ARB2A: variants seen among roughly 807,000 people sequenced by gnomAD.
ARB2A encodes cotranscriptional regulator ARB2A.
At chr5:93,881,403 A>C in the ARB2A span, 1 of 1,173,284 alleles carries the variant, frequency 8.5e-7, no homozygotes, top group Admixed American at 2.2e-5. Flanking sequence ...AAAACAAAAC[A>C]ATCTACATAT....
chr5:93,805,063 A>T, the ARB2A span: 14 of 959,796 alleles, frequency 1.5e-5, no homozygotes, highest in Middle Eastern at 1.1e-3. Flanking sequence ...ATATATAATT[A>T]ATGATTAATG....
At chr5:93,665,833 C>T in the ARB2A span, among the ~76,000 whole-genome samples, 392 of 152,294 alleles carry the variant, frequency 2.6e-3, 4 homozygotes, top group African/African-American at 9.0e-3. Flanking sequence ...GTGTACTCTC[C>T]ACAGGCCAAG....
the ARB2A span, among the ~76,000 whole-genome samples, chr5:93,789,721 G>A: frequency 1.3e-5 from 2 of 152,194 alleles, no homozygotes; most frequent in African/African-American, 2.4e-5. Context: ...GGGTTTGGCA[G>A]TCTTTTCTGT....
At chr5:93,734,357 T>C in the ARB2A span, 2 of 152,178 alleles carry the variant, frequency 1.3e-5, no homozygotes, top group African/African-American at 4.8e-5. Flanking sequence ...ATATAGGTAC[T>C]GTCAAAAGAA....
the ARB2A span, among the ~76,000 whole-genome samples, chr5:93,954,735 T>C: frequency 3.3e-5 from 5 of 152,094 alleles, no homozygotes; most frequent in African/African-American, 1.2e-4. Flanking sequence ...TGCCCAAGAA[T>C]TGCAGTCCTT....
the ARB2A span, among the ~76,000 whole-genome samples, chr5:94,106,771 A>C: frequency 1.1e-4 from 17 of 151,650 alleles, no homozygotes; most frequent in African/African-American, 4.1e-4. Context: ...TGTGGCACAT[A>C]TACACCACGG....
At chr5:93,625,108 A>G in the ARB2A span, among the ~76,000 whole-genome samples, 1 of 152,204 alleles carries the variant, frequency 6.6e-6, no homozygotes, top group East Asian at 1.9e-4. Context: ...CAAATTCATG[A>G]TGATTCCATG....
At chr5:93,803,514 G>T in the ARB2A span, among the ~76,000 whole-genome samples, 1 of 143,270 alleles carries the variant, frequency 7.0e-6, no homozygotes, top group Admixed American at 6.9e-5. Flanking sequence ...GAGAACACAT[G>T]AACACATAGA....
chr5:93,651,676 C>A, the ARB2A span, among the ~76,000 whole-genome samples: 1 of 152,026 alleles, frequency 6.6e-6, no homozygotes. Context: ...GTATGTTTTT[C>A]TCCTGTTATT....
At chr5:93,696,820 G>A in the ARB2A span, among the ~76,000 whole-genome samples, 8 of 152,046 alleles carry the variant, frequency 5.3e-5, no homozygotes, top group African/African-American at 1.7e-4. Flanking sequence ...CCAGCACTTC[G>A]GGAGGCGGAG....
the ARB2A span, among the ~76,000 whole-genome samples, chr5:94,012,262 CGTG>C: frequency 6.6e-6 from 1 of 152,086 alleles, no homozygotes; most frequent in Non-Finnish European, 1.5e-5. Flanking sequence ...ATTAGCCAGG[CGTG>C]GTGGTGGGTG....
At chr5:93,733,132 A>T in the ARB2A span, 1 of 151,950 alleles carries the variant, frequency 6.6e-6, no homozygotes, top group East Asian at 1.9e-4. Context: ...TAAACTTTTT[A>T]AAAAATTTCT....
the ARB2A span, among the ~76,000 whole-genome samples, chr5:93,622,620 T>G: frequency 9.1e-3 from 1,384 of 152,332 alleles, 10 homozygotes; most frequent in Non-Finnish European, 0.015. Context: ...AAGGATTCTC[T>G]CTATCCTCCT....
At chr5:93,756,774 G>C in the ARB2A span, among the ~76,000 whole-genome samples, 1 of 152,026 alleles carries the variant, frequency 6.6e-6, no homozygotes, top group Admixed American at 6.6e-5. Flanking sequence ...AAATGGGAAG[G>C]AACCAGAAAA....
chr5:93,938,880 A>T, the ARB2A span, among the ~76,000 whole-genome samples: 1 of 152,234 alleles, frequency 6.6e-6, no homozygotes, highest in Non-Finnish European at 1.5e-5. Flanking sequence ...ACACAGTTCA[A>T]AAAAGCAATA....
chr5:93,829,070 C>T, the ARB2A span, among the ~76,000 whole-genome samples: 2 of 152,164 alleles, frequency 1.3e-5, no homozygotes, highest in Non-Finnish European at 2.9e-5. Context: ...AGCCACTGCG[C>T]CTGGCCCTCA....
At chr5:93,728,053 G>A in the ARB2A span, among the ~76,000 whole-genome samples, 55 of 151,948 alleles carry the variant, frequency 3.6e-4, no homozygotes, top group Middle Eastern at 3.4e-3. Context: ...AAGCAACAGC[G>A]GACTTAATAA....
At chr5:94,050,231 C>G in the ARB2A span, among the ~76,000 whole-genome samples, 1 of 151,072 alleles carries the variant, frequency 6.6e-6, no homozygotes, top group Non-Finnish European at 1.5e-5. Context: ...TGAGCCACCA[C>G]AGCTCACCTA....
chr5:93,809,905 TAAAAG>T, the ARB2A span, among the ~76,000 whole-genome samples: 3 of 152,006 alleles, frequency 2.0e-5, no homozygotes, highest in African/African-American at 7.2e-5. Context: ...TGGGACAAAA[TAAAAG>T]AAAAACAATT....
Sources: allele counts gnomAD v4.1 joint callset (sites outside exome capture counted in the v4.1 genomes callset), GRCh38; gene constraint gnomAD v4.1.1; transcripts MANE v1.5; gene names NCBI Gene and HGNC (gene_info 2026-07-23, HGNC 2026-07-21).